Variants in RBFOX1 observed in about 807,000 individuals in gnomAD.
The protein encoded by RBFOX1 is RNA binding protein fox-1 homolog 1.
Under a neutral mutation model 57.7 loss-of-function variants are expected in RBFOX1, and 8 were observed. That is an observed-to-expected ratio of 0.14 (90% confidence interval 0.08 to 0.25). The LOEUF is 0.25. RBFOX1 is among the 10% of genes least tolerant of loss of function. RBFOX1 has a pLI of 1.00. For missense variants in RBFOX1, 611 were observed against 548.5 expected (o/e 1.11, Z -1.14); for synonymous variants, 326 against 222.4 (o/e 1.47, Z -4.15).
At chr16:6,453,574 C>T (rs1378879640) in intron 2 of RBFOX1, among the ~76,000 whole-genome samples, 5 of 152,106 alleles carry the variant, frequency 3.3e-5, no homozygotes, top group Admixed American at 6.5e-5. Flanking sequence ...CAGGACCAGA[C>T]GGATTCACAG....
At chr16:6,997,000 A>G (rs1433411889) in intron 3 of RBFOX1, among the ~76,000 whole-genome samples, 2 of 152,146 alleles carry the variant, frequency 1.3e-5, no homozygotes, top group Non-Finnish European at 2.9e-5. Flanking sequence ...TCAGCTTTAT[A>G]CATATGTATA....
intron 2 of RBFOX1, among the ~76,000 whole-genome samples, chr16:6,406,885 G>A (rs1034679569): frequency 6.6e-6 from 1 of 152,264 alleles, no homozygotes; most frequent in East Asian, 1.9e-4. Flanking sequence ...GTGTTTATAT[G>A]CTGGCTGACC....
intron 2 of RBFOX1, among the ~76,000 whole-genome samples, chr16:6,541,046 G>A (rs2096809259): frequency 1.3e-5 from 2 of 152,126 alleles, no homozygotes; most frequent in Admixed American, 1.3e-4. Flanking sequence ...AGGGATCCTA[G>A]GATAATGCTA....
At chr16:6,752,477 C>T (rs565498801) in intron 3 of RBFOX1, among the ~76,000 whole-genome samples, 7 of 152,176 alleles carry the variant, frequency 4.6e-5, no homozygotes, top group South Asian at 2.1e-4. Flanking sequence ...CATGCTCTGT[C>T]GCTGGACCTT....
chr16:6,776,120 G>A (rs1177352243), intron 3 of RBFOX1: 2 of 152,548 alleles, frequency 1.3e-5, no homozygotes, highest in Non-Finnish European at 2.9e-5. Context: ...GTACAAGAAA[G>A]AATACACTGG....
intron 3 of RBFOX1, among the ~76,000 whole-genome samples, chr16:6,806,756 C>A: frequency 1.5e-5 from 2 of 129,698 alleles, no homozygotes; most frequent in East Asian, 4.1e-4. Flanking sequence ...CTTTCTTTTT[C>A]TATTTTTTCT....
At chr16:5,382,024 C>T (rs543767521) in intron 1 of RBFOX1, among the ~76,000 whole-genome samples, 2 of 152,328 alleles carry the variant, frequency 1.3e-5, no homozygotes, top group South Asian at 4.1e-4. Flanking sequence ...ACTGGGACAA[C>T]CGAAAATGTC....
intron 3 of RBFOX1, among the ~76,000 whole-genome samples, chr16:6,838,287 T>C (rs1268802740): frequency 3.3e-5 from 5 of 152,124 alleles, no homozygotes; most frequent in African/African-American, 9.7e-5. Context: ...TGTTTGGTTT[T>C]CTGTTCCTGT....
At position 6,026,178 on chromosome 16, in the gene RBFOX1, G is replaced by A. The variant is rs1288711205; in HGVS notation, c.-127+6186G>A. On this transcript the variant is annotated intron_variant, in intron 1 of 15. Transcript: ENST00000550418. ...ATCTTATATTTTATTGAGTGACTCT[G>A]TTTTATCCTTTTTCTCTTACTCCAC... 2.0e-5 allele frequency among the ~76,000 whole-genome samples: 3 copies of A among 152,154 alleles called. No individual in the cohort carries two copies. In the South Asian group the frequency reaches 6.2e-4, roughly 32 times the overall value.
chr16:6,866,789 G>T (rs1227974200), intron 3 of RBFOX1, among the ~76,000 whole-genome samples: 8 of 151,890 alleles, frequency 5.3e-5, no homozygotes, highest in Non-Finnish European at 8.8e-5. Context: ...TGATCTGCCT[G>T]CCTTGGCCTC....
At chr16:7,416,214 T>C (rs2098476282) in intron 4 of RBFOX1, among the ~76,000 whole-genome samples, 1 of 152,184 alleles carries the variant, frequency 6.6e-6, no homozygotes, top group Admixed American at 6.5e-5. Context: ...TAAAAGGAAA[T>C]CTCTGTGCCA....
intron 2 of RBFOX1, among the ~76,000 whole-genome samples, chr16:6,387,598 G>C (rs748473220): frequency 5.3e-5 from 8 of 152,114 alleles, no homozygotes; most frequent in Non-Finnish European, 1.0e-4. Context: ...ACCAGCTCAA[G>C]GTTATGTGAA....
chr16:7,138,608 C>T (rs1489107676), intron 4 of RBFOX1, among the ~76,000 whole-genome samples: 2 of 152,142 alleles, frequency 1.3e-5, no homozygotes, highest in Non-Finnish European at 2.9e-5. Context: ...AAATGTAACC[C>T]CCCATTATGC....
chr16:6,606,215 C>G (rs1270992562), intron 2 of RBFOX1, among the ~76,000 whole-genome samples: 2 of 152,014 alleles, frequency 1.3e-5, no homozygotes, highest in Admixed American at 6.6e-5. Flanking sequence ...TAATCGGAGG[C>G]TAAAATAGGA....
At chr16:6,321,618 A>G (rs899112539) in intron 2 of RBFOX1, among the ~76,000 whole-genome samples, 1 of 152,186 alleles carries the variant, frequency 6.6e-6, no homozygotes, top group Non-Finnish European at 1.5e-5. Flanking sequence ...GATTATTTCC[A>G]TGGCATCTAC....
intron 1 of RBFOX1, among the ~76,000 whole-genome samples, chr16:5,409,269 C>T (rs958627831): frequency 6.6e-6 from 1 of 152,222 alleles, no homozygotes; most frequent in South Asian, 2.1e-4. Flanking sequence ...ACAGTGTTCA[C>T]TGTTCTGCAT....
chr16:6,356,723 A>G (rs371273416), intron 2 of RBFOX1, among the ~76,000 whole-genome samples: 1 of 152,206 alleles, frequency 6.6e-6, no homozygotes, highest in Non-Finnish European at 1.5e-5. Flanking sequence ...GGAAAAGGAC[A>G]TTAGGCGAAA....
chr16:6,635,039 G>A lies in RBFOX1; in HGVS notation c.-63-19564G>A, dbSNP rs919719819. ...ATGTTACACAAATTATATATGACAT[G>A]CATATTTTAATAGTTTAAATATATG... On this transcript the variant is annotated intron_variant, in intron 2 of 15. Transcript: ENST00000550418. 5.0e-5 allele frequency among the ~76,000 whole-genome samples: 7 copies of A among 140,986 alleles called. No homozygotes were observed. In the South Asian group the frequency reaches 1.3e-3, roughly 27 times the overall value. 92.5% of individuals were successfully genotyped at this position (140,986 alleles called of 152,430 possible).
chr16:6,675,390 A>G lies in RBFOX1; in HGVS notation c.-16+20740A>G, dbSNP rs545992045. Among the ~76,000 whole-genome samples, 10 of 151,920 alleles carry G rather than the reference A, an allele frequency of 6.6e-5. No individual in the cohort carries two copies. In the South Asian group the frequency reaches 2.1e-3, roughly 32 times the overall value. ...TCTCATTTTTTTTTTCTTGGAGTTGACTGCAATTCAGGTGGGCTCTTCCCA... is the reference window on the plus strand; with the variant it reads ...TCTCATTTTTTTTTTCTTGGAGTTGGCTGCAATTCAGGTGGGCTCTTCCCA... On this transcript the variant is annotated intron_variant, in intron 3 of 15. Coordinates refer to ENST00000550418, the MANE Select transcript of RBFOX1 (RefSeq NM_018723.4).
Sources: allele counts gnomAD v4.1 joint callset (sites outside exome capture counted in the v4.1 genomes callset), GRCh38; gene constraint gnomAD v4.1.1; transcripts MANE v1.5; gene names NCBI Gene and HGNC (gene_info 2026-07-23, HGNC 2026-07-21).